Variants in IL16 observed in about 807,000 individuals in gnomAD.
IL16 encodes interleukin 16.
Under a neutral mutation model 110.1 loss-of-function variants are expected in IL16, and 67 were observed. That is an observed-to-expected ratio of 0.61 (90% CI 0.50 to 0.75). IL16 has a LOEUF of 0.75. IL16 is among the 30% of genes least tolerant of loss of function. The pLI is 0.00. For synonymous variants in IL16, 689 were observed against 662.9 expected, an observed-to-expected ratio of 1.04 and a Z score of -0.61; for missense variants, 1,545 against 1,655.0, an observed-to-expected ratio of 0.93 and a Z score of 1.15.
intron 18 of IL16, among the ~76,000 whole-genome samples, chr15:81,307,193 G>T (rs552896194): frequency 2.6e-5 from 4 of 152,264 alleles, no homozygotes; most frequent in African/African-American, 9.6e-5. Flanking sequence ...CCTCAAATTG[G>T]AGGTCTCCAA....
intron 2 of IL16, among the ~76,000 whole-genome samples, chr15:81,232,042 G>GT: frequency 0.039 from 2,229 of 57,398 alleles, 76 homozygotes; most frequent in East Asian, 0.089. Flanking sequence ...ATTTGTTCTT[G>GT]TTTTTTTTTT....
At chr15:81,183,893 C>T (rs541539898) in intron 1 of IL16, among the ~76,000 whole-genome samples, 9 of 152,268 alleles carry the variant, frequency 5.9e-5, no homozygotes, top group Admixed American at 3.3e-4. Context: ...CCTCAGAGGA[C>T]GGCAGAAACA....
chr15:81,293,143 C>T (rs1363270239), intron 12 of IL16, 106 bp downstream of exon 12: 1 of 1,221,208 alleles, frequency 8.2e-7, no homozygotes. Flanking sequence ...GAAAGTTTCT[C>T]CTGCTCCACC....
chr15:81,204,504 C>T (rs1895938418), intron 1 of IL16, among the ~76,000 whole-genome samples: 1 of 151,872 alleles, frequency 6.6e-6, no homozygotes, highest in Non-Finnish European at 1.5e-5. Context: ...CCCATCAATA[C>T]CTAATTTATT....
chr15:81,308,381 G>T (rs1347067339), intron 18 of IL16, among the ~76,000 whole-genome samples: 1 of 152,196 alleles, frequency 6.6e-6, no homozygotes, highest in African/African-American at 2.4e-5. Flanking sequence ...GACAGCAAGG[G>T]CTATCCCTTT....
At chr15:81,213,839 G>A (rs915651396) in intron 1 of IL16, among the ~76,000 whole-genome samples, 1 of 152,118 alleles carries the variant, frequency 6.6e-6, no homozygotes, top group African/African-American at 2.4e-5. Context: ...TTGCCCCTCT[G>A]TGCCTTTTAA....
intron 1 of IL16, among the ~76,000 whole-genome samples, chr15:81,211,634 G>C (rs4402520): frequency 0.58 from 87,941 of 152,042 alleles, 28,603 homozygotes; most frequent in African/African-American, 0.88. Context: ...GCAATCTGCC[G>C]CTCTTGGCCT....
At chr15:81,305,450 G>A (rs1175041515) in intron 16 of IL16, among the ~76,000 whole-genome samples, 1 of 151,712 alleles carries the variant, frequency 6.6e-6, no homozygotes, top group African/African-American at 2.4e-5. Flanking sequence ...GATTGCTTGA[G>A]CCCAGGAGTT....
chr15:81,269,170 A>G (rs777960334), intron 4 of IL16, among the ~76,000 whole-genome samples: 1 of 152,248 alleles, frequency 6.6e-6, no homozygotes, highest in Non-Finnish European at 1.5e-5. Flanking sequence ...GATTGAACAT[A>G]GTCTCAGGGC....
chr15:81,220,934 T>C (rs1479058296), intron 1 of IL16, among the ~76,000 whole-genome samples: 1 of 152,216 alleles, frequency 6.6e-6, no homozygotes, highest in African/African-American at 2.4e-5. Context: ...TTCTTTTCAA[T>C]TCAGCTCTAT....
intron 9 of IL16, among the ~76,000 whole-genome samples, chr15:81,285,145 C>T (rs1442719010): frequency 6.6e-6 from 1 of 151,858 alleles, no homozygotes; most frequent in Non-Finnish European, 1.5e-5. Flanking sequence ...GAATGAATGC[C>T]ATCACCTTTT....
At chr15:81,253,483 G>A (rs1423306511) in intron 2 of IL16, among the ~76,000 whole-genome samples, 1 of 152,016 alleles carries the variant, frequency 6.6e-6, no homozygotes, top group African/African-American at 2.4e-5. Context: ...TTTTGATGAA[G>A]CTCATTTATC....
Position 81,221,282 on chromosome 15 carries a change from C to G in IL16, c.-101-4017C>G, listed in dbSNP as rs199555707. 1.5e-4 allele frequency among the ~76,000 whole-genome samples: 23 copies of G among 152,208 alleles called. No homozygotes were observed. In the East Asian group the frequency reaches 2.7e-3, roughly 18 times the overall value. ...TTAGAAACCTTCATTGTGCTTCCCC[C>G]CCGGAATCCTCTGGAGGAGACCCAC... is the stretch of plus-strand genomic sequence containing the variant. On this transcript the variant is annotated intron_variant, in intron 1 of 18. Transcript: ENST00000683961.
chr15:81,266,300 A>G (rs1469479011), intron 4 of IL16, among the ~76,000 whole-genome samples: 1 of 152,220 alleles, frequency 6.6e-6, no homozygotes, highest in East Asian at 1.9e-4. Flanking sequence ...TGCTTTACCA[A>G]CATTGCCTCT....
chr15:81,214,376 A>C (rs1476619087), intron 1 of IL16, among the ~76,000 whole-genome samples: 1 of 152,120 alleles, frequency 6.6e-6, no homozygotes, highest in African/African-American at 2.4e-5. Flanking sequence ...TCCTTCACTT[A>C]TGAAGTTTAG....
chr15:81,269,766 A>G (rs1414016054), intron 5 of IL16, 118 bp downstream of exon 5: 2 of 694,086 alleles, frequency 2.9e-6, no homozygotes, highest in South Asian at 1.8e-5. Context: ...GCATCAGAAG[A>G]GACAAACACA....
At chr15:81,247,071 TTTTCC>T (rs1159563922) in intron 2 of IL16, among the ~76,000 whole-genome samples, 1 of 100,376 alleles carries the variant, frequency 1.0e-5, no homozygotes, top group African/African-American at 6.3e-5. Flanking sequence ...CTTTCTTTTC[TTTTCC>T]TTTTTTTTTT....
chr15:81,296,285 G>C (rs992862942), intron 12 of IL16, among the ~76,000 whole-genome samples: 1 of 152,164 alleles, frequency 6.6e-6, no homozygotes, highest in African/African-American at 2.4e-5. Context: ...TTCAGAGCCT[G>C]GTTCATCTTG....
At chr15:81,233,459 C>CTGTGTGTGTGTGTGTGTGTGTG (rs5814049) in intron 2 of IL16, among the ~76,000 whole-genome samples, 5 of 143,370 alleles carry the variant, frequency 3.5e-5, no homozygotes, top group Non-Finnish European at 7.7e-5. Flanking sequence ...TCTTCTCTTT[C>CTGTGTGTGTGTGTGTGTGTGTG]TGTGTGTGTG....
Sources: gnomAD v4.1 joint callset for allele counts (sites outside exome capture counted in the v4.1 genomes callset) on GRCh38, gnomAD v4.1.1 for gene constraint, MANE v1.5 for transcripts, NCBI Gene and HGNC (gene_info 2026-07-23, HGNC 2026-07-21) for gene names.